Variants in ESRRG observed in about 807,000 individuals in gnomAD.
ESRRG encodes the protein estrogen-related receptor gamma.
A neutral mutation model predicts 44.0 loss-of-function variants in ESRRG; 13 were observed. That is an observed-to-expected ratio of 0.30 (90% CI 0.19 to 0.47). The LOEUF (loss-of-function observed/expected upper bound fraction) is 0.47, where lower values mean the gene tolerates loss of function less well. Ranked by LOEUF, ESRRG falls within the 20% of genes least tolerant of loss-of-function variation. ESRRG has a pLI of 1.00. For synonymous variants in ESRRG, 215 were observed against 214.6 expected, an observed-to-expected ratio of 1.00 and a Z score of -0.02; for missense variants, 395 against 580.6, an observed-to-expected ratio of 0.68 and a Z score of 3.29.
intron 3 of ESRRG, among the ~76,000 whole-genome samples, chr1:216,599,548 C>T (rs1165231478): frequency 6.6e-6 from 1 of 152,140 alleles, no homozygotes; most frequent in Non-Finnish European, 1.5e-5. Context: ...CCCTTTCTTA[C>T]AAAGAGCCCA....
intron 1 of ESRRG, among the ~76,000 whole-genome samples, chr1:217,047,230 T>A (rs1290367428): frequency 6.6e-6 from 1 of 152,192 alleles, no homozygotes; most frequent in African/African-American, 2.4e-5. Flanking sequence ...TAAAGAAGTA[T>A]CGTTTTTGAG....
chr1:217,116,830 T>A (rs1013691181), intron 1 of ESRRG, among the ~76,000 whole-genome samples: 2 of 152,166 alleles, frequency 1.3e-5, no homozygotes, highest in African/African-American at 4.8e-5. Flanking sequence ...GTGGTAGGCA[T>A]GGAGTTGGCA....
intron 3 of ESRRG, among the ~76,000 whole-genome samples, chr1:216,610,188 A>G (rs1045272389): frequency 2.6e-5 from 4 of 150,990 alleles, no homozygotes; most frequent in Non-Finnish European, 2.9e-5. Flanking sequence ...TAAAGTGTGG[A>G]TAATTGTACA....
chr1:216,714,000 CAACT>C (rs371410568), intron 1 of ESRRG, among the ~76,000 whole-genome samples: 4 of 152,176 alleles, frequency 2.6e-5, no homozygotes, highest in Admixed American at 6.5e-5. Flanking sequence ...GATAAACCCC[CAACT>C]AACTAACTGT....
At chr1:216,818,454 T>C (rs2095209864) in intron 2 of ESRRG, among the ~76,000 whole-genome samples, 1 of 152,180 alleles carries the variant, frequency 6.6e-6, no homozygotes, top group African/African-American at 2.4e-5. Flanking sequence ...TGGAGGGCAC[T>C]TGACACTCTA....
At chr1:216,892,372 T>G (rs1008404039) in intron 2 of ESRRG, among the ~76,000 whole-genome samples, 1 of 152,190 alleles carries the variant, frequency 6.6e-6, no homozygotes, top group Admixed American at 6.5e-5. Flanking sequence ...TCCTGATTTT[T>G]GGTCCCTGGA....
chr1:216,582,712 C>T (rs1421716748), intron 3 of ESRRG, among the ~76,000 whole-genome samples: 11 of 152,220 alleles, frequency 7.2e-5, no homozygotes, highest in Admixed American at 5.9e-4. Context: ...ATTCAGATTA[C>T]ACCAAGTTCA....
At chr1:216,933,734 T>G (rs2063700358) in intron 2 of ESRRG, among the ~76,000 whole-genome samples, 1 of 152,238 alleles carries the variant, frequency 6.6e-6, no homozygotes, top group Non-Finnish European at 1.5e-5. Flanking sequence ...AAATTATAAC[T>G]GGATCACAAA....
chr1:216,657,053 T>C (rs1021137631), intron 2 of ESRRG, among the ~76,000 whole-genome samples: 2 of 152,198 alleles, frequency 1.3e-5, no homozygotes, highest in South Asian at 2.1e-4. Flanking sequence ...GAAAACTCTG[T>C]CTTTATTGTA....
At chr1:216,817,625 A>AT (rs969714811) in intron 2 of ESRRG, among the ~76,000 whole-genome samples, 1 of 152,168 alleles carries the variant, frequency 6.6e-6, no homozygotes, top group Non-Finnish European at 1.5e-5. Flanking sequence ...CTAATATTCC[A>AT]TTTTTTAATT....
At chr1:216,693,012 T>C (rs1241150187) in intron 1 of ESRRG, among the ~76,000 whole-genome samples, 1 of 152,248 alleles carries the variant, frequency 6.6e-6, no homozygotes, top group East Asian at 1.9e-4. Context: ...GCTGTATACA[T>C]GCAATGCTTA....
intron 2 of ESRRG, among the ~76,000 whole-genome samples, chr1:216,751,724 C>T (rs757432336): frequency 4.6e-5 from 7 of 150,776 alleles, no homozygotes; most frequent in Admixed American, 1.3e-4. Context: ...CCTGTCCCTT[C>T]GCTTCTTTCC....
chr1:217,081,895 A>C (rs2091794402), intron 1 of ESRRG, among the ~76,000 whole-genome samples: 1 of 152,262 alleles, frequency 6.6e-6, no homozygotes, highest in South Asian at 2.1e-4. Flanking sequence ...GTCATGGCAA[A>C]AGTGCCAATG....
chr1:216,650,117 T>G (rs764026133), intron 3 of ESRRG, among the ~76,000 whole-genome samples: 1 of 152,210 alleles, frequency 6.6e-6, no homozygotes, highest in Non-Finnish European at 1.5e-5. Flanking sequence ...AAACTGTGTT[T>G]ATTTCAAACT....
At chr1:216,568,249 G>A in intron 3 of ESRRG, 151 bp from the exon 4 acceptor site, 1 of 611,242 alleles carries the variant, frequency 1.6e-6, no homozygotes, top group Non-Finnish European at 2.9e-6. Context: ...AATAAGTGGT[G>A]GCTAAATCAA....
intron 2 of ESRRG, among the ~76,000 whole-genome samples, chr1:216,911,542 A>G (rs956985998): frequency 6.6e-6 from 1 of 152,132 alleles, no homozygotes; most frequent in Non-Finnish European, 1.5e-5. Context: ...CATTTTTCCA[A>G]ACTCCTAGAA....
chr1:216,980,009 G>A (rs2150376415), intron 1 of ESRRG, among the ~76,000 whole-genome samples: 1 of 152,014 alleles, frequency 6.6e-6, no homozygotes, highest in East Asian at 1.9e-4. Flanking sequence ...CTAAACCTAA[G>A]GACTCTTCCA....
At position 216,918,051 on chromosome 1, in the gene ESRRG, C is replaced by T. The variant is rs143147783; in HGVS notation, c.-14+21531G>A. ...GCTGTTTTTGTATTAAATGTCAAAA[C>T]GCCTTTTATGTCTTTATTTATGAGC... On this transcript the variant is annotated intron_variant, in intron 2 of 7. Coordinates refer to the ESRRG transcript ENST00000359162. Among the ~76,000 whole-genome samples the T allele has an allele frequency of 5.9e-5, 9 of 152,186 alleles. No individual in the cohort carries two copies. In the East Asian group the frequency reaches 1.2e-3, roughly 20 times the overall value.
At chr1:216,702,225 A>G (rs902937139) in intron 1 of ESRRG, among the ~76,000 whole-genome samples, 1 of 152,202 alleles carries the variant, frequency 6.6e-6, no homozygotes, top group Non-Finnish European at 1.5e-5. Flanking sequence ...ACCTTTGATG[A>G]AAACGCTGAT....
Sources: gnomAD v4.1 joint callset for allele counts (sites outside exome capture counted in the v4.1 genomes callset) on GRCh38, gnomAD v4.1.1 for gene constraint, MANE v1.5 for transcripts, NCBI Gene and HGNC (gene_info 2026-07-23, HGNC 2026-07-21) for gene names.